The following CSMD1 variants were observed in gnomAD, a reference collection of about 807,000 sequenced individuals.
CSMD1 encodes the protein CUB and Sushi multiple domains 1, also known as CUB and sushi domain-containing protein 1.
Under a neutral mutation model 417.5 loss-of-function variants are expected in CSMD1, and 213 were observed. The observed-to-expected ratio is 0.51, with a 90% CI of 0.46 to 0.57. CSMD1 has a LOEUF of 0.57. CSMD1 is among the 20% of genes least tolerant of loss of function. CSMD1 has a pLI of 0.00. For missense variants in CSMD1, 6,923 were observed against 4,529.7 expected (o/e 1.53, Z -15.17); for synonymous variants, 2,862 against 1,736.8 (o/e 1.65, Z -16.11).
chr8:4,476,976 G>A (rs770775083), intron 2 of CSMD1, among the ~76,000 whole-genome samples: 2 of 152,238 alleles, frequency 1.3e-5, no homozygotes, highest in Non-Finnish European at 2.9e-5. Context: ...GCTGCTGAAT[G>A]CCAATTGCTG....
At chr8:3,487,845 G>A (rs1357269384) in intron 11 of CSMD1, among the ~76,000 whole-genome samples, 1 of 152,062 alleles carries the variant, frequency 6.6e-6, no homozygotes, top group Non-Finnish European at 1.5e-5. Context: ...TCAAGGCATT[G>A]CTGAAACCTC....
intron 1 of CSMD1, among the ~76,000 whole-genome samples, chr8:4,733,670 G>T (rs958822518): frequency 6.6e-6 from 1 of 152,184 alleles, no homozygotes; most frequent in East Asian, 1.9e-4. Flanking sequence ...CAGGTATTTT[G>T]TTCACTGACT....
chr8:3,284,494 A>T (rs1802996021), intron 25 of CSMD1, 148 bp from the exon 26 acceptor site: 1 of 639,356 alleles, frequency 1.6e-6, no homozygotes, highest in Admixed American at 2.5e-5. Flanking sequence ...AAGGATGAGG[A>T]AAATGAGGCT....
At chr8:4,829,778 G>C (rs993499678) in intron 1 of CSMD1, among the ~76,000 whole-genome samples, 34 of 150,254 alleles carry the variant, frequency 2.3e-4, no homozygotes, top group African/African-American at 7.8e-4. Flanking sequence ...TTATGTAGCT[G>C]TTTCACACCC....
intron 6 of CSMD1, among the ~76,000 whole-genome samples, chr8:3,750,770 C>A (rs1159861967): frequency 6.6e-6 from 1 of 152,144 alleles, no homozygotes; most frequent in Non-Finnish European, 1.5e-5. Context: ...GGCAGGGACT[C>A]TGAGAAGGGC....
intron 3 of CSMD1, among the ~76,000 whole-genome samples, chr8:4,295,123 T>C (rs941597749): frequency 2.7e-5 from 4 of 146,414 alleles, no homozygotes; most frequent in Non-Finnish European, 4.5e-5. Flanking sequence ...TACACACATA[T>C]AATCTTAAGA....
At chr8:4,488,684 T>TGGG (rs141706052) in intron 2 of CSMD1, among the ~76,000 whole-genome samples, 42 of 151,028 alleles carry the variant, frequency 2.8e-4, no homozygotes, top group African/African-American at 1.0e-3. Context: ...ATCATGGCGG[T>TGGG]GGGGGGGGTG....
intron 2 of CSMD1, among the ~76,000 whole-genome samples, chr8:4,461,916 T>A (rs1170058587): frequency 6.6e-6 from 1 of 151,952 alleles, no homozygotes; most frequent in Non-Finnish European, 1.5e-5. Flanking sequence ...AATTTTTCTG[T>A]ATTTTTAGAA....
chr8:4,524,637 T>C (rs1212004402), intron 2 of CSMD1, among the ~76,000 whole-genome samples: 3 of 149,570 alleles, frequency 2.0e-5, no homozygotes, highest in South Asian at 2.1e-4. Flanking sequence ...TTATTACATA[T>C]AGTGAGTCAT....
intron 1 of CSMD1, among the ~76,000 whole-genome samples, chr8:4,643,759 G>T (rs976563337): frequency 1.3e-5 from 2 of 152,194 alleles, no homozygotes; most frequent in Non-Finnish European, 2.9e-5. Context: ...AGTTTCAGGG[G>T]TTATTCCAGG....
At chr8:3,813,396 G>A (rs1306941670) in intron 5 of CSMD1, among the ~76,000 whole-genome samples, 2 of 152,044 alleles carry the variant, frequency 1.3e-5, no homozygotes, top group Non-Finnish European at 2.9e-5. Flanking sequence ...GATTTAAGGA[G>A]GTGATATTTT....
intron 10 of CSMD1, among the ~76,000 whole-genome samples, chr8:3,572,223 A>G (rs1006033227): frequency 3.3e-5 from 5 of 152,110 alleles, no homozygotes; most frequent in African/African-American, 1.2e-4. Context: ...CTCTCAGTCC[A>G]AGTGGGGCTG....
At chr8:4,400,904 A>C (rs1250704870) in intron 3 of CSMD1, among the ~76,000 whole-genome samples, 2 of 152,038 alleles carry the variant, frequency 1.3e-5, no homozygotes, top group South Asian at 4.1e-4. Flanking sequence ...TCTTTTGTAT[A>C]TTGCAATGAC....
chr8:3,634,093 C>A (rs552239094), intron 7 of CSMD1, among the ~76,000 whole-genome samples: 3 of 152,246 alleles, frequency 2.0e-5, no homozygotes, highest in South Asian at 4.2e-4. Flanking sequence ...GGGGGCCGTG[C>A]CCTGCCCGTT....
intron 20 of CSMD1, among the ~76,000 whole-genome samples, chr8:3,366,316 T>C (rs1468407121): frequency 6.6e-6 from 1 of 152,142 alleles, no homozygotes; most frequent in Non-Finnish European, 1.5e-5. Context: ...CATCATTTGT[T>C]TATGTGACCA....
intron 1 of CSMD1, among the ~76,000 whole-genome samples, chr8:4,758,556 A>T (rs10106510): frequency 0.013 from 1,964 of 152,312 alleles, 30 homozygotes; most frequent in African/African-American, 0.045. Context: ...TCAGTGTATT[A>T]GTCCATTTTC....
chr8:3,405,670 G>C (rs927719970), intron 15 of CSMD1, among the ~76,000 whole-genome samples: 1 of 152,188 alleles, frequency 6.6e-6, no homozygotes, highest in Admixed American at 6.5e-5. Flanking sequence ...TTTAGACACA[G>C]GGACAGACAC....
chr8:4,436,441 A>T (rs897014110), intron 2 of CSMD1, among the ~76,000 whole-genome samples: 1 of 152,088 alleles, frequency 6.6e-6, no homozygotes, highest in African/African-American at 2.4e-5. Flanking sequence ...TGTGGGGTAC[A>T]TGGCATGTTT....
At position 3,285,690 on chromosome 8, in the gene CSMD1, C is replaced by T. The variant is rs181901906; in HGVS notation, c.3951-1344G>A. Among the ~76,000 whole-genome samples, 362 of 152,120 alleles carry T rather than the reference C, an allele frequency of 2.4e-3. 8 individuals are homozygous for T. The highest frequency in any genetic ancestry group is 3.5e-4 in the Non-Finnish European group (24 of 68,002). On this transcript the variant is annotated intron_variant, in intron 25 of 69. Coordinates refer to ENST00000635120, the MANE Select transcript of CSMD1 (RefSeq NM_033225.6). ...CTGTGATTACAGGCATGAGCCACCA[C>T]GCCCAGACCAGAACTTTTTATAAAA...
Sources: gnomAD v4.1 joint callset for allele counts (sites outside exome capture counted in the v4.1 genomes callset) on GRCh38, gnomAD v4.1.1 for gene constraint, MANE v1.5 for transcripts, NCBI Gene and HGNC (gene_info 2026-07-23, HGNC 2026-07-21) for gene names.